SYNDIG1L: variants seen among roughly 807,000 people sequenced by gnomAD.
The protein encoded by SYNDIG1L is synapse differentiation-inducing gene protein 1-like.
In SYNDIG1L, 13 loss-of-function variants were observed where a neutral mutation model predicts 20.1. The observed-to-expected ratio is 0.65, with a 90% CI of 0.42 to 1.03. SYNDIG1L has a LOEUF of 1.03. Ranked by LOEUF, SYNDIG1L falls within the 50% of genes least tolerant of loss-of-function variation. The probability of loss-of-function intolerance (pLI) is 0.00; values close to 1 mark genes in which losing one functional copy is unlikely to be tolerated. For missense variants in SYNDIG1L, 294 were observed against 305.1 expected (o/e 0.96, Z 0.27); for synonymous variants, 128 against 129.3 (o/e 0.99, Z 0.07).
At chr14:74,445,731 C>A in the SYNDIG1L span, among the ~76,000 whole-genome samples, 7 of 152,274 alleles carry the variant, frequency 4.6e-5, no homozygotes, top group East Asian at 1.4e-3. Context: ...CCTGCCTTGG[C>A]CTCCCAAAGT....
upstream of SYNDIG1L, among the ~76,000 whole-genome samples, chr14:74,428,426 G>T (rs2086281781): frequency 6.6e-6 from 1 of 152,078 alleles, no homozygotes; most frequent in African/African-American, 2.4e-5. Context: ...AGCATTTCCT[G>T]CCATGTAATG....
the SYNDIG1L span, among the ~76,000 whole-genome samples, chr14:74,460,446 C>A: frequency 6.6e-6 from 1 of 152,232 alleles, no homozygotes; most frequent in Non-Finnish European, 1.5e-5. Context: ...CATTTCAGAG[C>A]TGCCCCACCT....
the SYNDIG1L span, among the ~76,000 whole-genome samples, chr14:74,459,332 CTG>C: frequency 6.6e-6 from 1 of 152,106 alleles, no homozygotes; most frequent in Non-Finnish European, 1.5e-5. Flanking sequence ...TGGCGAAACC[CTG>C]TCTCTATAAA....
At chr14:74,429,963 C>CT (rs1044584323), upstream of SYNDIG1L, among the ~76,000 whole-genome samples, 2 of 152,148 alleles carry the variant, frequency 1.3e-5, no homozygotes, top group African/African-American at 4.8e-5. Context: ...CTGCTCACTT[C>CT]TTTTTTCCAT....
the SYNDIG1L span, among the ~76,000 whole-genome samples, chr14:74,466,446 A>C: frequency 4.6e-5 from 7 of 152,208 alleles, no homozygotes; most frequent in African/African-American, 1.7e-4. Flanking sequence ...TGACCAAGGC[A>C]TGGACCCTGA....
intron 1 of SYNDIG1L, among the ~76,000 whole-genome samples, chr14:74,423,515 G>C (rs1182952290): frequency 6.6e-6 from 1 of 152,182 alleles, no homozygotes; most frequent in African/African-American, 2.4e-5. Context: ...ACGTGAGGAG[G>C]GGGGACTGGT....
chr14:74,439,233 C>T, the SYNDIG1L span, among the ~76,000 whole-genome samples: 6 of 152,218 alleles, frequency 3.9e-5, no homozygotes, highest in South Asian at 1.0e-3. Context: ...TCGTATTTTC[C>T]CTCCCATAGC....
chr14:74,453,788 A>G, the SYNDIG1L span, among the ~76,000 whole-genome samples: 2 of 152,088 alleles, frequency 1.3e-5, no homozygotes, highest in Non-Finnish European at 2.9e-5. Context: ...CTCCGTCTCT[A>G]CAAAAAACAA....
chr14:74,441,366 G>A, the SYNDIG1L span, among the ~76,000 whole-genome samples: 1 of 152,258 alleles, frequency 6.6e-6, no homozygotes, highest in African/African-American at 2.4e-5. Context: ...TGCCCTGGCA[G>A]TGGAGGTAGG....
the SYNDIG1L span, among the ~76,000 whole-genome samples, chr14:74,441,136 T>A: frequency 6.6e-6 from 1 of 152,234 alleles, no homozygotes; most frequent in Non-Finnish European, 1.5e-5. Context: ...AGAATAGATA[T>A]ATGAGTCCTC....
the SYNDIG1L span, among the ~76,000 whole-genome samples, chr14:74,440,558 G>A: frequency 2.0e-5 from 3 of 148,822 alleles, no homozygotes; most frequent in East Asian, 3.9e-4. Context: ...GGTGGCAGGC[G>A]CCTGTAGTCC....
intron 1 of SYNDIG1L, among the ~76,000 whole-genome samples, chr14:74,419,284 G>A (rs1051812842): frequency 2.6e-5 from 4 of 152,198 alleles, no homozygotes; most frequent in African/African-American, 9.7e-5. Context: ...TCATTCATTA[G>A]CGTCTTTCTC....
chr14:74,458,987 G>A, the SYNDIG1L span, among the ~76,000 whole-genome samples: 1 of 152,152 alleles, frequency 6.6e-6, no homozygotes, highest in Non-Finnish European at 1.5e-5. Flanking sequence ...GTGTGTGAGA[G>A]CCTGTGGCAG....
chr14:74,407,774 T>C, intron 3 of SYNDIG1L, 75 bp downstream of exon 3: 1 of 1,576,288 alleles, frequency 6.3e-7, no homozygotes, highest in Non-Finnish European at 8.6e-7. Context: ...CCTGACCCCA[T>C]CCTGCAGACG....
At chr14:74,432,724 C>A in the SYNDIG1L span, among the ~76,000 whole-genome samples, 1 of 152,056 alleles carries the variant, frequency 6.6e-6, no homozygotes, top group Non-Finnish European at 1.5e-5. Context: ...GGTGTGGTGG[C>A]ATGCCTGTAG....
At chr14:74,476,701 G>T in the SYNDIG1L span, 1 of 758,610 alleles carries the variant, frequency 1.3e-6, no homozygotes, top group Non-Finnish European at 2.1e-6. Context: ...AGCCACCTAT[G>T]CAGGCCATCT....
At chr14:74,456,885 G>T in the SYNDIG1L span, among the ~76,000 whole-genome samples, 4 of 152,184 alleles carry the variant, frequency 2.6e-5, no homozygotes, top group Non-Finnish European at 5.9e-5. Context: ...ATGGAGTCAG[G>T]CCACATGGGA....
the SYNDIG1L span, chr14:74,476,359 C>A: frequency 1.4e-6 from 1 of 701,290 alleles, no homozygotes; most frequent in South Asian, 1.5e-5. Flanking sequence ...CACTGGCAGT[C>A]AGAGCTAAGC....
the SYNDIG1L span, among the ~76,000 whole-genome samples, chr14:74,440,982 T>A: frequency 1.1e-4 from 16 of 152,198 alleles, no homozygotes; most frequent in Admixed American, 3.3e-4. Flanking sequence ...TTTTTATCTG[T>A]AAAGTGGGAC....
Sources: allele counts gnomAD v4.1 joint callset (sites outside exome capture counted in the v4.1 genomes callset), GRCh38; gene constraint gnomAD v4.1.1; transcripts MANE v1.5; gene names NCBI Gene and HGNC (gene_info 2026-07-23, HGNC 2026-07-21).